Variants in LRRC7 observed in about 807,000 individuals in gnomAD.
The protein encoded by LRRC7 is leucine rich repeat containing 7.
In LRRC7, 23 loss-of-function variants were observed where a neutral mutation model predicts 175.7. The ratio of observed to expected loss-of-function variants is 0.13; its 90% CI spans 0.09 to 0.19. The LOEUF (loss-of-function observed/expected upper bound fraction) is 0.19. LRRC7 is among the 10% of genes least tolerant of loss of function. The pLI is 1.00. For synonymous variants in LRRC7, 685 were observed against 680.9 expected (o/e 1.01, Z -0.09); for missense variants, 1,354 against 1,904.7 (o/e 0.71, Z 5.38).
rs114121138 is a variant in LRRC7 at position 69,946,804 on chromosome 1, G to A, written c.711+15234G>A. Among the ~76,000 whole-genome samples the A allele has an allele frequency of 9.1e-3, 1,378 of 152,014 alleles. 22 individuals carry two copies. Among genetic ancestry groups the A allele is most frequent in the African/African-American group, 0.031 (1,290 of 41,462 alleles). ...TGCCTTTAAAGTGAGTAGGCCAGGCGCAGTGGCTCATGCCTGTAATCTCAG... is the reference window on the plus strand; with the variant it reads ...TGCCTTTAAAGTGAGTAGGCCAGGCACAGTGGCTCATGCCTGTAATCTCAG... On this transcript the variant is annotated intron_variant, in intron 8 of 26. Transcript: ENST00000651989.
At chr1:69,906,004 G>T (rs1646295293) in intron 7 of LRRC7, among the ~76,000 whole-genome samples, 1 of 152,196 alleles carries the variant, frequency 6.6e-6, no homozygotes, top group African/African-American at 2.4e-5. Context: ...TTCTCTGATG[G>T]CCAGTGATGG....
chr1:69,592,211 G>GTA (rs1435863320), intron 1 of LRRC7, among the ~76,000 whole-genome samples: 1 of 151,822 alleles, frequency 6.6e-6, no homozygotes, highest in Non-Finnish European at 1.5e-5. Flanking sequence ...CACATGTACT[G>GTA]TATCTCTTTA....
Position 70,122,027 on chromosome 1 carries a change from G to C in LRRC7, c.*140G>C. Reference sequence around the variant, plus strand: ...ATGTATAATACTATATGTTAGCACTGACCATCCTTAAAAAATGTTAACTCT... The same window carrying C: ...ATGTATAATACTATATGTTAGCACTCACCATCCTTAAAAAATGTTAACTCT... On this transcript the variant is annotated 3_prime_UTR_variant, in exon 27 of 27. Transcript: ENST00000651989. 1 of 560,010 alleles carries C rather than the reference G, an allele frequency of 1.8e-6. No homozygotes were observed. The highest frequency in any genetic ancestry group is 3.2e-6 in the Non-Finnish European group (1 of 314,366). The allele number at this position is 560,010 out of a possible 1,614,324, so 34.7% of individuals were successfully genotyped here.
intron 7 of LRRC7, among the ~76,000 whole-genome samples, chr1:69,924,272 C>A (rs1428867019): frequency 3.3e-5 from 5 of 151,922 alleles, no homozygotes; most frequent in Admixed American, 6.6e-5. Context: ...CTTAGGATTG[C>A]CTTGGCGATG....
At chr1:69,934,295 A>G (rs1211482425) in intron 8 of LRRC7, among the ~76,000 whole-genome samples, 1 of 152,138 alleles carries the variant, frequency 6.6e-6, no homozygotes, top group Non-Finnish European at 1.5e-5. Context: ...TAAAATGTGA[A>G]GGCCTAATGA....
At chr1:69,894,917 A>C (rs1277339089) in intron 7 of LRRC7, among the ~76,000 whole-genome samples, 1 of 152,226 alleles carries the variant, frequency 6.6e-6, no homozygotes, top group Non-Finnish European at 1.5e-5. Flanking sequence ...CGTTATCAAC[A>C]ATAAGGTATT....
chr1:69,862,271 G>A (rs1389449101), intron 7 of LRRC7, among the ~76,000 whole-genome samples: 1 of 152,154 alleles, frequency 6.6e-6, no homozygotes. Flanking sequence ...GTTGAACGTG[G>A]AAAACTGGTA....
chr1:70,022,377 T>A (rs1291415785), intron 16 of LRRC7: 3 of 152,164 alleles, frequency 2.0e-5, no homozygotes, highest in Non-Finnish European at 2.9e-5. Flanking sequence ...TTACCAAAAA[T>A]TGCATGCTTC....
chr1:69,586,234 A>T (rs1164042663), intron 1 of LRRC7, among the ~76,000 whole-genome samples: 2 of 152,266 alleles, frequency 1.3e-5, no homozygotes, highest in South Asian at 2.1e-4. Context: ...AAGAACTTAA[A>T]TATTATTGTA....
At chr1:69,925,346 T>A (rs1557895347) in intron 7 of LRRC7, among the ~76,000 whole-genome samples, 2 of 152,176 alleles carry the variant, frequency 1.3e-5, no homozygotes, top group Admixed American at 6.5e-5. Context: ...CTTCTTTTTC[T>A]ATTGATTGGA....
chr1:69,884,242 C>T (rs1686937401), intron 7 of LRRC7, among the ~76,000 whole-genome samples: 2 of 88,472 alleles, frequency 2.3e-5, no homozygotes, highest in African/African-American at 4.4e-5. Flanking sequence ...TCTTCCTACC[C>T]ATGAGCATGG....
At chr1:69,968,180 GA>G (rs1651855510) in intron 8 of LRRC7, among the ~76,000 whole-genome samples, 1 of 151,996 alleles carries the variant, frequency 6.6e-6, no homozygotes, top group Non-Finnish European at 1.5e-5. Context: ...CTCAGCAATA[GA>G]ATTGAACAAG....
chr1:70,094,982 AT>A (rs1664288172), intron 25 of LRRC7, among the ~76,000 whole-genome samples: 1 of 152,210 alleles, frequency 6.6e-6, no homozygotes, highest in African/African-American at 2.4e-5. Flanking sequence ...TAAGATGTAT[AT>A]TTACTATATG....
At chr1:69,935,219 C>G (rs1366424610) in intron 8 of LRRC7, among the ~76,000 whole-genome samples, 1 of 152,050 alleles carries the variant, frequency 6.6e-6, no homozygotes, top group East Asian at 1.9e-4. Context: ...TTTGCCCCCA[C>G]CAAACCCCTA....
intron 25 of LRRC7, among the ~76,000 whole-genome samples, chr1:70,094,738 G>T (rs1664267778): frequency 6.6e-6 from 1 of 152,098 alleles, no homozygotes; most frequent in Non-Finnish European, 1.5e-5. Flanking sequence ...TTTATCCAAG[G>T]ATAACAATAC....
At chr1:69,950,842 CT>C (rs961556906) in intron 8 of LRRC7, among the ~76,000 whole-genome samples, 2 of 151,892 alleles carry the variant, frequency 1.3e-5, no homozygotes, top group African/African-American at 4.8e-5. Context: ...TGCTATGTTG[CT>C]TTTAGTTGTA....
intron 3 of LRRC7, among the ~76,000 whole-genome samples, chr1:69,777,886 C>G (rs1269219331): frequency 2.6e-5 from 4 of 152,104 alleles, no homozygotes; most frequent in African/African-American, 4.8e-5. Flanking sequence ...GTGACCCATT[C>G]CAAATATAAA....
intron 25 of LRRC7, among the ~76,000 whole-genome samples, chr1:70,097,927 T>C (rs1420354345): frequency 2.0e-5 from 3 of 149,966 alleles, no homozygotes; most frequent in Middle Eastern, 3.4e-3. Flanking sequence ...AACATACGTG[T>C]GCATGTGTCT....
rs1646949962 is a variant in LRRC7, at chr1:69,599,032, T to C, written c.2+30391T>C. On this transcript the variant is annotated intron_variant, in intron 1 of 26. Transcript: ENST00000651989. ...TAATTGGCTCAAATGTGACTGAAGC[T>C]CTAGGAAGAATCCCTATAAAGTAGA... Among the ~76,000 whole-genome samples, 3 of 152,238 alleles carry C rather than the reference T, an allele frequency of 2.0e-5. No homozygotes were observed. In the South Asian group the frequency reaches 6.2e-4, roughly 32 times the overall value.
Sources: allele counts gnomAD v4.1 joint callset (sites outside exome capture counted in the v4.1 genomes callset), GRCh38; gene constraint gnomAD v4.1.1; transcripts MANE v1.5; gene names NCBI Gene and HGNC (gene_info 2026-07-23, HGNC 2026-07-21).